Variants in FBN2 observed in about 807,000 individuals in gnomAD.
FBN2 encodes the protein fibrillin-2.
Under a neutral mutation model 355.6 loss-of-function variants are expected in FBN2, and 105 were observed. The observed-to-expected ratio is 0.30, with a 90% CI of 0.25 to 0.35. The LOEUF is 0.35. FBN2 is among the 10% of genes least tolerant of loss of function. The pLI is 1.00. For synonymous variants in FBN2, 1,350 were observed against 1,301.2 expected (o/e 1.04, Z -0.81); for missense variants, 3,280 against 3,758.7 (o/e 0.87, Z 3.33).
intron 45 of FBN2, 130 bp downstream of exon 45, chr5:128,304,827 G>C: frequency 1.8e-6 from 2 of 1,137,078 alleles, no homozygotes; most frequent in South Asian, 1.3e-5. Context: ...TAAATAGTTT[G>C]ACCTAGTTAA....
At chr5:128,335,617 T>A (rs748122872) in intron 28 of FBN2, 40 bp from the exon 29 acceptor site, 1 of 1,613,360 alleles carries the variant, frequency 6.2e-7, no homozygotes, top group Non-Finnish European at 8.5e-7. Context: ...CAGGTCTGCT[T>A]CCTTAAAAGG....
chr5:128,333,683 T>C (rs1003122844), intron 31 of FBN2, among the ~76,000 whole-genome samples: 3 of 149,808 alleles, frequency 2.0e-5, no homozygotes, highest in South Asian at 2.1e-4. Flanking sequence ...TGTGTGTGCG[T>C]GTGTGTGTGT....
chr5:128,376,295 C>G (rs1010105382), intron 14 of FBN2, among the ~76,000 whole-genome samples: 3 of 152,046 alleles, frequency 2.0e-5, no homozygotes, highest in Non-Finnish European at 2.9e-5. Flanking sequence ...GATAATGACA[C>G]AGTTACAAAT....
chr5:128,368,790 C>T (rs1751852694), intron 16 of FBN2, among the ~76,000 whole-genome samples: 1 of 151,782 alleles, frequency 6.6e-6, no homozygotes, highest in South Asian at 2.1e-4. Flanking sequence ...TGCACCTCAG[C>T]CCCCCTAGTA....
intron 3 of FBN2, among the ~76,000 whole-genome samples, chr5:128,529,587 A>C (rs1309412497): frequency 2.0e-5 from 3 of 152,188 alleles, no homozygotes; most frequent in African/African-American, 7.2e-5. Flanking sequence ...CCCAGCTCCC[A>C]GGTAGAGGAA....
chr5:128,335,417 G>T, intron 29 of FBN2, 38 bp downstream of exon 29: 1 of 1,613,876 alleles, frequency 6.2e-7, no homozygotes, highest in Non-Finnish European at 8.5e-7. Context: ...GAAAAAATTA[G>T]TTAGATGTAC....
chr5:128,394,305 C>A (rs1455484619), intron 9 of FBN2, among the ~76,000 whole-genome samples: 2 of 152,038 alleles, frequency 1.3e-5, no homozygotes, highest in African/African-American at 4.8e-5. Flanking sequence ...TCATATTACA[C>A]GTAACAAGAG....
At chr5:128,267,914 C>G (rs1765158215) in intron 62 of FBN2, among the ~76,000 whole-genome samples, 1 of 151,698 alleles carries the variant, frequency 6.6e-6, no homozygotes, top group African/African-American at 2.4e-5. Context: ...CGCTAAATGC[C>G]CATGTCAGAA....
intron 18 of FBN2, among the ~76,000 whole-genome samples, chr5:128,362,594 C>T (rs1270921513): frequency 1.3e-5 from 2 of 152,120 alleles, no homozygotes; most frequent in Non-Finnish European, 2.9e-5. Flanking sequence ...CCAAAAGTAG[C>T]TAAGAATACA....
chr5:128,258,970 C>T lies in FBN2; in HGVS notation c.*485G>A, dbSNP rs1305959952. The T allele has an allele frequency of 2.5e-5, 4 of 157,542 alleles. No individual in the cohort carries two copies. The highest frequency in any genetic ancestry group is 9.7e-5 in the African/African-American group (4 of 41,426). The allele number at this position is 157,542 out of a possible 1,614,324, so 9.8% of individuals were successfully genotyped here. On this transcript the variant is annotated 3_prime_UTR_variant, in exon 65 of 65. Coordinates refer to ENST00000262464, the MANE Select transcript of FBN2 (RefSeq NM_001999.4). ...TAAAAAGCACCTCTAAAAAAAATAG[C>T]TCAAATTTATAAATCTAAAGAAAAA...
At chr5:128,288,776 T>G (rs1008796844) in intron 52 of FBN2, among the ~76,000 whole-genome samples, 5 of 152,216 alleles carry the variant, frequency 3.3e-5, no homozygotes, top group African/African-American at 1.2e-4. Flanking sequence ...ATACTCGCCC[T>G]AAAGATGACA....
At chr5:128,365,674 A>G (rs1751747793) in intron 17 of FBN2, among the ~76,000 whole-genome samples, 1 of 150,166 alleles carries the variant, frequency 6.7e-6, no homozygotes, top group South Asian at 2.1e-4. Context: ...AACCGTATAT[A>G]TATTTATATA....
chr5:128,344,697 AT>A (rs1016974627), intron 24 of FBN2, among the ~76,000 whole-genome samples, 187 bp from the exon 25 acceptor site: 4 of 150,090 alleles, frequency 2.7e-5, no homozygotes, highest in African/African-American at 9.8e-5. Context: ...AAGATCTTAT[AT>A]TCTTTTTTTT....
chr5:128,398,694 T>A (rs970106552), intron 8 of FBN2, among the ~76,000 whole-genome samples: 2 of 152,172 alleles, frequency 1.3e-5, no homozygotes, highest in Non-Finnish European at 2.9e-5. Context: ...GATGTACACC[T>A]GTGTACATCT....
intron 58 of FBN2, among the ~76,000 whole-genome samples, chr5:128,277,200 AT>A (rs1765416888): frequency 6.6e-6 from 1 of 152,250 alleles, no homozygotes; most frequent in African/African-American, 2.4e-5. Context: ...GAGAAAAAAA[AT>A]TTTTTCTTTA....
chr5:128,357,227 C>T, intron 20 of FBN2, 49 bp downstream of exon 20: 1 of 1,610,812 alleles, frequency 6.2e-7, no homozygotes, highest in Non-Finnish European at 8.5e-7. Context: ...GAGATCTGTG[C>T]TTATCTTGGC....
At chr5:128,266,999 T>C (rs757566701) in intron 62 of FBN2, among the ~76,000 whole-genome samples, 4 of 145,304 alleles carry the variant, frequency 2.8e-5, no homozygotes, top group Non-Finnish European at 6.0e-5. Flanking sequence ...GGCCCCAGCA[T>C]GTGCTTATTC....
At position 128,434,075 on chromosome 5, in the gene FBN2, G is replaced by A. The variant is rs1019710725; in HGVS notation, c.952+12406C>T. On this transcript the variant is annotated intron_variant, in intron 7 of 64. Coordinates refer to ENST00000262464, the MANE Select transcript of FBN2 (RefSeq NM_001999.4). The stretch of plus-strand genomic sequence containing the variant: ...GGAGAAACAATTTACCTAACCTTGC[G>A]ACCAATACAGCAGGTGACTAGAACT... 1.3e-4 allele frequency among the ~76,000 whole-genome samples: 20 copies of A among 152,032 alleles called. No homozygotes were observed. The East Asian group carries it at 2.3e-3, about 18-fold the overall frequency.
At chr5:128,505,427 G>C (rs1007545556) in intron 5 of FBN2, among the ~76,000 whole-genome samples, 1 of 152,116 alleles carries the variant, frequency 6.6e-6, no homozygotes, top group Non-Finnish European at 1.5e-5. Context: ...TTATACAAAA[G>C]GAGAAACAAT....
Sources: gnomAD v4.1 joint callset for allele counts (sites outside exome capture counted in the v4.1 genomes callset) on GRCh38, gnomAD v4.1.1 for gene constraint, MANE v1.5 for transcripts, NCBI Gene and HGNC (gene_info 2026-07-23, HGNC 2026-07-21) for gene names.